SAMMSON: variants seen among roughly 807,000 people sequenced by gnomAD.
The protein encoded by SAMMSON is long intergenic non-protein coding RNA 1212.
chr3:70,244,581 A>T lies in SAMMSON; in HGVS notation n.508-4526A>T, dbSNP rs555947073. Among the ~76,000 whole-genome samples the T allele has an allele frequency of 2.6e-5, 4 of 152,316 alleles. No individual in the cohort carries two copies. In the East Asian group the frequency reaches 7.7e-4, roughly 29 times the overall value. Reference sequence around the variant, plus strand: ...GTAAAAAGAAGAAGAGACAAGATTGACTGGTGAATAAAATGAAACTGACAC... The same window carrying T: ...GTAAAAAGAAGAAGAGACAAGATTGTCTGGTGAATAAAATGAAACTGACAC... On this transcript the variant is annotated intron_variant and non_coding_transcript_variant, in intron 4 of 9. Transcript: ENST00000642114.
intron 3 of SAMMSON, among the ~76,000 whole-genome samples, chr3:70,045,113 ATATATATTAATTATAATATATTATAATTT>A (rs1559779793): frequency 3.4e-5 from 3 of 87,236 alleles, no homozygotes; most frequent in Non-Finnish European, 8.9e-5. Context: ...ATTATAATTT[ATATATATTAATTATAATATATTATAATTT>A]ATATATATTA....
At chr3:70,353,972 C>T (rs1227306929) in intron 7 of SAMMSON, among the ~76,000 whole-genome samples, 2 of 152,062 alleles carry the variant, frequency 1.3e-5, no homozygotes, top group African/African-American at 4.8e-5. Context: ...CTATGTGACT[C>T]CATGGATATG....
intron 2 of SAMMSON, among the ~76,000 whole-genome samples, chr3:70,404,305 G>T (rs934807319): frequency 2.6e-5 from 4 of 152,034 alleles, no homozygotes; most frequent in Non-Finnish European, 4.4e-5. Context: ...CATTATCCAC[G>T]ATTTGGAGAC....
At chr3:70,066,530 C>G (rs1296675043) in intron 3 of SAMMSON, among the ~76,000 whole-genome samples, 1 of 152,098 alleles carries the variant, frequency 6.6e-6, no homozygotes. Context: ...TTCCATCCTG[C>G]TCTTTTACAA....
At chr3:70,328,730 A>G (rs1702598983) in intron 7 of SAMMSON, among the ~76,000 whole-genome samples, 2 of 152,194 alleles carry the variant, frequency 1.3e-5, no homozygotes, top group Admixed American at 6.5e-5. Flanking sequence ...AGAGTGATGC[A>G]GTGAGGAGAC....
intron 3 of SAMMSON, among the ~76,000 whole-genome samples, chr3:70,023,884 C>A (rs1044659397): frequency 3.3e-5 from 5 of 152,214 alleles, no homozygotes; most frequent in Non-Finnish European, 5.9e-5. Context: ...ACAACCTACA[C>A]CATGTCCATT....
At chr3:70,375,717 T>C (rs1245016132) in intron 9 of SAMMSON, among the ~76,000 whole-genome samples, 1 of 152,144 alleles carries the variant, frequency 6.6e-6, no homozygotes, top group Non-Finnish European at 1.5e-5. Context: ...TCCAGTCCTG[T>C]CTACTTTATT....
At chr3:70,412,747 T>G (rs78498679) in intron 2 of SAMMSON, among the ~76,000 whole-genome samples, 18 of 152,284 alleles carry the variant, frequency 1.2e-4, no homozygotes, top group African/African-American at 4.3e-4. Context: ...GGGCTTCATT[T>G]CTATAACTAG....
chr3:70,182,882 A>G (rs1345675881), intron 4 of SAMMSON, among the ~76,000 whole-genome samples: 1 of 144,412 alleles, frequency 6.9e-6, no homozygotes, highest in Non-Finnish European at 1.5e-5. Context: ...TATGGCTCAT[A>G]ATTTCAAAGG....
chr3:70,193,310 TG>T (rs1313678799), intron 4 of SAMMSON, among the ~76,000 whole-genome samples: 1 of 152,208 alleles, frequency 6.6e-6, no homozygotes, highest in Non-Finnish European at 1.5e-5. Context: ...TTAATTATTT[TG>T]AGGACAAGGT....
At chr3:70,421,423 A>G (rs1701312570) in intron 2 of SAMMSON, among the ~76,000 whole-genome samples, 2 of 152,142 alleles carry the variant, frequency 1.3e-5, no homozygotes. Flanking sequence ...TCCAATTGAT[A>G]TAGAAAAGCT....
At chr3:70,317,479 C>T (rs1007326969) in intron 7 of SAMMSON, among the ~76,000 whole-genome samples, 1 of 151,770 alleles carries the variant, frequency 6.6e-6, no homozygotes, top group Non-Finnish European at 1.5e-5. Context: ...AACTTTTATA[C>T]AAACTGTTTT....
intron 7 of SAMMSON, among the ~76,000 whole-genome samples, chr3:70,349,987 A>G (rs1353609552): frequency 6.6e-6 from 1 of 152,214 alleles, no homozygotes; most frequent in Non-Finnish European, 1.5e-5. Context: ...TCTATTAGAA[A>G]GTCTATAGAT....
chr3:70,414,092 TTG>T, intron 2 of SAMMSON, among the ~76,000 whole-genome samples: 1 of 152,240 alleles, frequency 6.6e-6, no homozygotes, highest in East Asian at 1.9e-4. Flanking sequence ...CTTAGATAAC[TTG>T]GTTCTATTGA....
At chr3:70,020,072 C>A (rs898374586) in intron 3 of SAMMSON, among the ~76,000 whole-genome samples, 2 of 152,070 alleles carry the variant, frequency 1.3e-5, no homozygotes, top group African/African-American at 4.8e-5. Context: ...GTTAAAAATG[C>A]TCTTGTGCAT....
In SAMMSON at chr3:70,282,924, G is replaced by A. The variant is rs530103344; in HGVS notation, n.675-8255G>A. Among the ~76,000 whole-genome samples the A allele has an allele frequency of 1.2e-3, 176 of 152,248 alleles. 1 individual carries two copies. The highest frequency in any genetic ancestry group is 3.5e-3 in the South Asian group (17 of 4,826). Reference sequence around the variant, plus strand: ...TCCCCAGGATGAAATAGTAAAAGGGGTAATAAAAGATGACTCTTATAACCA... The same window carrying A: ...TCCCCAGGATGAAATAGTAAAAGGGATAATAAAAGATGACTCTTATAACCA... On this transcript the variant is annotated intron_variant and non_coding_transcript_variant, in intron 6 of 9. Coordinates refer to ENST00000642114, the Ensembl canonical transcript of SAMMSON.
chr3:70,399,026 A>G (rs2106761623), intron 2 of SAMMSON, among the ~76,000 whole-genome samples: 1 of 152,342 alleles, frequency 6.6e-6, no homozygotes. Context: ...TTAGAGCTAG[A>G]AGCATCTGAA....
At chr3:70,349,656 T>C (rs1316210340) in intron 7 of SAMMSON, among the ~76,000 whole-genome samples, 1 of 152,168 alleles carries the variant, frequency 6.6e-6, no homozygotes, top group Non-Finnish European at 1.5e-5. Flanking sequence ...TATAGAGAGA[T>C]GAAGGTCGGG....
chr3:70,373,547 G>T (rs1702988095), intron 9 of SAMMSON, among the ~76,000 whole-genome samples: 1 of 151,976 alleles, frequency 6.6e-6, no homozygotes, highest in Admixed American at 6.6e-5. Context: ...TATTTCTTTG[G>T]ATACTTTTTC....
Sources: gnomAD v4.1 joint callset for allele counts (sites outside exome capture counted in the v4.1 genomes callset) on GRCh38, gnomAD v4.1.1 for gene constraint, MANE v1.5 for transcripts, NCBI Gene and HGNC (gene_info 2026-07-23, HGNC 2026-07-21) for gene names.